The following DMD variants were observed in gnomAD, a reference collection of about 807,000 sequenced individuals.
DMD encodes mutant dystrophin.
Under a neutral mutation model 330.1 loss-of-function variants are expected in DMD, and 63 were observed. The observed-to-expected ratio is 0.19, with a 90% CI of 0.16 to 0.24. DMD has a LOEUF of 0.24. Among genes scored for constraint, DMD ranks in the 10% least tolerant of loss-of-function variants. The probability of loss-of-function intolerance (pLI) is 1.00; values close to 1 mark genes in which losing one functional copy is unlikely to be tolerated. For synonymous variants in DMD, 1,223 were observed against 959.8 expected (o/e 1.27, Z -5.07); for missense variants, 3,344 against 2,684.1 (o/e 1.25, Z -5.43).
intron 47 of DMD, among the ~76,000 whole-genome samples, chrX:31,889,498 C>T (rs1257435928): frequency 1.8e-5 from 2 of 109,622 alleles, no homozygotes; most frequent in Non-Finnish European, 3.8e-5. Context: ...GGATTTATAC[C>T]CATCTAACTA....
intron 49 of DMD, among the ~76,000 whole-genome samples, chrX:31,822,162 A>C (rs1435025926): frequency 8.9e-6 from 1 of 112,016 alleles, no homozygotes; most frequent in Non-Finnish European, 1.9e-5. Flanking sequence ...TGATTTCAAC[A>C]AGACACCTCG....
intron 59 of DMD, among the ~76,000 whole-genome samples, chrX:31,450,029 T>C (rs559197442): frequency 9.1e-6 from 1 of 109,545 alleles, no homozygotes; most frequent in Admixed American, 9.8e-5. Flanking sequence ...GTTACAAATA[T>C]TACTTAAGTA....
At chrX:32,548,545 A>G (rs1048946794) in intron 16 of DMD, among the ~76,000 whole-genome samples, 5 of 111,734 alleles carry the variant, frequency 4.5e-5, no homozygotes, top group African/African-American at 1.6e-4. Flanking sequence ...TATATTTCAA[A>G]TATTTTAATG....
In DMD at chrX:31,126,824, A is replaced by C. The variant is rs2033761396; in HGVS notation, c.11015-151T>G. On this transcript the variant is annotated intron_variant, in intron 77 of 78. Coordinates refer to ENST00000357033, the MANE Select transcript of DMD (RefSeq NM_004006.3). Reference sequence around the variant, plus strand: ...GCTGGAAAAAAAAAAAAAAAAAAAAACAGAAACAAAAAACCCAAAAGACAC... The same window carrying C: ...GCTGGAAAAAAAAAAAAAAAAAAAACCAGAAACAAAAAACCCAAAAGACAC... 5 of 432,370 alleles carry C rather than the reference A, an allele frequency of 1.2e-5. No homozygotes were observed. In the Admixed American group the frequency reaches 1.8e-4, roughly 15 times the overall value. The allele number at this position is 432,370 out of a possible 1,213,427, so 35.6% of individuals were successfully genotyped here.
intron 51 of DMD, among the ~76,000 whole-genome samples, chrX:31,734,211 G>C (rs1270778989): frequency 9.3e-6 from 1 of 107,693 alleles, no homozygotes; most frequent in Non-Finnish European, 1.9e-5. Flanking sequence ...TATATGTAAT[G>C]TTTTATATAT....
intron 60 of DMD, among the ~76,000 whole-genome samples, chrX:31,357,519 A>G (rs1040746102): frequency 2.1e-4 from 23 of 112,045 alleles, no homozygotes; most frequent in Non-Finnish European, 3.8e-4. Flanking sequence ...TTGGGTAACA[A>G]TATACTTGTA....
intron 41 of DMD, among the ~76,000 whole-genome samples, chrX:32,320,390 G>A (rs2097606690): frequency 9.0e-6 from 1 of 111,530 alleles, no homozygotes; most frequent in African/African-American, 3.2e-5. Context: ...TACACTTGAC[G>A]AAAGAAATGT....
chrX:32,613,759 T>C (rs148441861), intron 12 of DMD, among the ~76,000 whole-genome samples: 114 of 111,701 alleles, frequency 1.0e-3, no homozygotes, highest in African/African-American at 3.7e-3. Flanking sequence ...TTTGATTTCT[T>C]TTCCAAATAC....
chrX:31,594,954 G>A (rs890626734), intron 55 of DMD, among the ~76,000 whole-genome samples: 8 of 110,908 alleles, frequency 7.2e-5, no homozygotes, highest in East Asian at 2.8e-4. Flanking sequence ...TGTGTTTATC[G>A]TATTATAAAA....
chrX:33,297,486 T>C (rs912197904), intron 1 of DMD, among the ~76,000 whole-genome samples: 8 of 111,100 alleles, frequency 7.2e-5, no homozygotes, highest in African/African-American at 2.6e-4. Context: ...TCACTGTTGA[T>C]TATTTACCTG....
intron 2 of DMD, among the ~76,000 whole-genome samples, chrX:32,958,912 C>T (rs965402121): frequency 9.1e-6 from 1 of 110,236 alleles, no homozygotes; most frequent in Non-Finnish European, 1.9e-5. Context: ...ATCATAAATG[C>T]AGCTTTAACA....
At chrX:32,379,572 T>C (rs1156487341) in intron 34 of DMD, among the ~76,000 whole-genome samples, 1 of 111,781 alleles carries the variant, frequency 8.9e-6, no homozygotes, top group East Asian at 2.8e-4. Flanking sequence ...AGAAAAACAA[T>C]TTAATTCCCT....
At chrX:32,912,991 A>T (rs1215775267) in intron 2 of DMD, among the ~76,000 whole-genome samples, 1 of 112,428 alleles carries the variant, frequency 8.9e-6, no homozygotes, top group East Asian at 2.8e-4. Context: ...TCAACCTAAA[A>T]GAAATTAAGT....
At chrX:31,543,256 C>T (rs1009441584) in intron 55 of DMD, among the ~76,000 whole-genome samples, 3 of 111,347 alleles carry the variant, frequency 2.7e-5, no homozygotes, top group African/African-American at 6.5e-5. Flanking sequence ...CTGCAACCTC[C>T]GCCTCCCGGC....
intron 1 of DMD, among the ~76,000 whole-genome samples, chrX:33,135,119 C>A (rs1363192418): frequency 8.9e-6 from 1 of 111,847 alleles, no homozygotes; most frequent in Non-Finnish European, 1.9e-5. Flanking sequence ...CAAACTTCAT[C>A]ATCTGCCTTT....
At chrX:32,846,369 A>G (rs758157347) in intron 3 of DMD, among the ~76,000 whole-genome samples, 139 of 111,370 alleles carry the variant, frequency 1.2e-3, no homozygotes, top group African/African-American at 4.2e-3. Flanking sequence ...CACCAAACAA[A>G]TATCTATATT....
intron 47 of DMD, among the ~76,000 whole-genome samples, chrX:31,911,427 T>G (rs184175329): frequency 1.8e-5 from 2 of 112,018 alleles, no homozygotes; most frequent in African/African-American, 6.5e-5. Context: ...TTCATGGAAC[T>G]TGCCATTTGA....
rs958880486 is a variant in DMD at position 31,507,364 on chromosome X, G to A, written c.8307C>T (p.Ser2769=). ...SQKILRSLEG[S]DDAVLLQRRL... ...GTCTTTGTAACAGGACTGCATCATC[G>A]GAACCTTCCAGGGATCTCAGGATTT... Residue 2769 remains serine, a synonymous_variant, in exon 56 of 79, where the codon TCC becomes TCT. Transcript: ENST00000357033. 15 of 1,209,409 alleles carry A rather than the reference G, an allele frequency of 1.2e-5. No homozygotes were observed. Among genetic ancestry groups the A allele is most frequent in the Admixed American group, 1.1e-4 (5 of 45,705 alleles).
At chrX:32,518,328 T>C (rs2046069396) in intron 17 of DMD, among the ~76,000 whole-genome samples, 197 bp from the exon 18 acceptor site, 1 of 111,059 alleles carries the variant, frequency 9.0e-6, no homozygotes, top group East Asian at 2.8e-4. Context: ...TAGAGTCTTA[T>C]GATCACAGAG....
Sources: gnomAD v4.1 joint callset for allele counts (sites outside exome capture counted in the v4.1 genomes callset) on GRCh38, gnomAD v4.1.1 for gene constraint, MANE v1.5 for transcripts, NCBI Gene and HGNC (gene_info 2026-07-23, HGNC 2026-07-21) for gene names.